DPP6: variants seen among roughly 807,000 people sequenced by gnomAD.
DPP6 encodes dipeptidyl peptidase like 6.
A neutral mutation model predicts 122.6 loss-of-function variants in DPP6; 69 were observed. That is an observed-to-expected ratio of 0.56 (90% CI 0.46 to 0.69). The LOEUF is 0.69. Ranked by LOEUF, DPP6 falls within the 30% of genes least tolerant of loss-of-function variation. DPP6 has a pLI of 0.00. For synonymous variants in DPP6, 418 were observed against 433.1 expected (o/e 0.97, Z 0.43); for missense variants, 928 against 1,116.9 (o/e 0.83, Z 2.41).
chr7:154,142,902 G>A (rs1159644437), intron 1 of DPP6, among the ~76,000 whole-genome samples: 103 of 139,402 alleles, frequency 7.4e-4, no homozygotes, highest in Non-Finnish European at 1.4e-3. Context: ...CTACTCAATT[G>A]TCAGCCATAA....
chr7:154,839,652 A>T (rs1801360730), intron 16 of DPP6, among the ~76,000 whole-genome samples: 1 of 152,232 alleles, frequency 6.6e-6, no homozygotes, highest in African/African-American at 2.4e-5. Context: ...GAGGAGGCAG[A>T]GAGCCATCAC....
At chr7:154,086,447 T>C (rs1476050562) in intron 1 of DPP6, among the ~76,000 whole-genome samples, 2 of 147,924 alleles carry the variant, frequency 1.4e-5, no homozygotes, top group Admixed American at 6.8e-5. Flanking sequence ...TGGTGAGCCC[T>C]GGTGAATCCA....
intron 3 of DPP6, among the ~76,000 whole-genome samples, chr7:154,496,584 C>T (rs1436429547): frequency 6.6e-6 from 1 of 152,196 alleles, no homozygotes; most frequent in Non-Finnish European, 1.5e-5. Context: ...CCTTTGAACC[C>T]ACAGTGTGCT....
At chr7:154,146,783 G>T (rs1362471565) in intron 1 of DPP6, among the ~76,000 whole-genome samples, 9 of 152,196 alleles carry the variant, frequency 5.9e-5, no homozygotes, top group Non-Finnish European at 1.3e-4. Context: ...AATACAGGGA[G>T]TGGGGAGTGG....
At chr7:154,294,824 T>C (rs114587912) in intron 1 of DPP6, among the ~76,000 whole-genome samples, 155 of 152,238 alleles carry the variant, frequency 1.0e-3, no homozygotes, top group African/African-American at 3.6e-3. Context: ...CACCCTGGTG[T>C]GTGTTCCCCC....
chr7:154,892,649 T>C lies in DPP6; in HGVS notation c.*169T>C, dbSNP rs765121671. 7 of 1,348,958 alleles carry C rather than the reference T, an allele frequency of 5.2e-6. No homozygotes were observed. The African/African-American group carries it at 7.2e-5, about 14-fold the overall frequency. 83.6% of individuals were successfully genotyped at this position (1,348,958 alleles called of 1,614,324 possible). On this transcript the variant is annotated 3_prime_UTR_variant, in exon 26 of 26. Coordinates refer to ENST00000377770, the MANE Select transcript of DPP6 (RefSeq NM_130797.4). ...CAGTTTTGCTTGGGAAACAAGCTCC[T>C]TCCCCGGGGTCATCACTCACGGCCT...
At chr7:154,204,808 TGTGA>T (rs1563314614) in intron 1 of DPP6, among the ~76,000 whole-genome samples, 1 of 152,198 alleles carries the variant, frequency 6.6e-6, no homozygotes, top group Non-Finnish European at 1.5e-5. Context: ...TCTGTACGTG[TGTGA>T]GTATGTGTAC....
chr7:154,298,810 A>T (rs1805712411), intron 1 of DPP6, among the ~76,000 whole-genome samples: 1 of 152,062 alleles, frequency 6.6e-6, no homozygotes. Context: ...TGGGGGAGGG[A>T]CAGACTTTGG....
chr7:153,816,904 C>T, the DPP6 span, among the ~76,000 whole-genome samples: 9 of 152,130 alleles, frequency 5.9e-5, no homozygotes, highest in Admixed American at 2.0e-4. Flanking sequence ...GAGCTGAGAA[C>T]ATAGCCTCAA....
intron 1 of DPP6, among the ~76,000 whole-genome samples, chr7:154,054,758 A>T (rs1386826162): frequency 6.7e-6 from 1 of 149,834 alleles, no homozygotes; most frequent in Non-Finnish European, 1.5e-5. Flanking sequence ...CAAACAGGAA[A>T]AATGTACTTT....
At chr7:154,799,906 C>A (rs1317434149) in intron 12 of DPP6, among the ~76,000 whole-genome samples, 3 of 152,232 alleles carry the variant, frequency 2.0e-5, no homozygotes, top group Non-Finnish European at 4.4e-5. Context: ...TCAGAGGCTT[C>A]ACCTGTGTTC....
chr7:153,955,558 C>T (rs1403672789), intron 1 of DPP6, among the ~76,000 whole-genome samples: 2 of 152,130 alleles, frequency 1.3e-5, no homozygotes, highest in African/African-American at 4.8e-5. Context: ...CCTGCCTCAG[C>T]CTCCCGAGTA....
At position 154,794,138 on chromosome 7, in the gene DPP6, T is replaced by G; in HGVS notation, c.1196T>G (p.Leu399Arg). Residue 399 changes from leucine to arginine, a missense_variant, in exon 11 of 26, where the codon CTG becomes CGG. By Grantham distance (102) the Leu-to-Arg change is moderately radical. Transcript: ENST00000377770. ...ATSTKVAVTW[L>R]NRAQNVSILT... ...AGCACCAAGGTCGCCGTGACCTGGC[T>G]GAACCGGGCGCAGAACGTGTCCATC... The G allele has an allele frequency of 6.2e-7, 1 of 1,613,490 alleles. No homozygotes were observed. Among genetic ancestry groups the G allele is most frequent in the Non-Finnish European group, 8.5e-7 (1 of 1,179,662 alleles).
the DPP6 span, among the ~76,000 whole-genome samples, chr7:153,808,442 C>T: frequency 3.3e-5 from 5 of 151,222 alleles, no homozygotes; most frequent in South Asian, 4.2e-4. Flanking sequence ...TGTGTGTGTG[C>T]GTGTGTGTGT....
At position 154,282,441 on chromosome 7, in the gene DPP6, T is replaced by C. The variant is rs1804582905; in HGVS notation, c.244-163773T>C. On this transcript the variant is annotated intron_variant, in intron 1 of 25. Coordinates refer to ENST00000377770, the MANE Select transcript of DPP6 (RefSeq NM_130797.4). This position sits in a 1 kb window ranked among gnomAD's most constrained non-coding sequence, Gnocchi z 4.8. ...TAGCACTGTGCAATGTACTGATTGG[T>C]ACTGTGTAATTTTTAGGACCTCCTT... 6.6e-6 allele frequency among the ~76,000 whole-genome samples: 1 copy of C among 152,188 alleles called. No homozygotes were observed. The highest frequency in any genetic ancestry group is 1.5e-5 in the Non-Finnish European group (1 of 68,030).
intron 16 of DPP6, among the ~76,000 whole-genome samples, chr7:154,844,736 G>C (rs1375408769): frequency 2.0e-5 from 3 of 152,192 alleles, no homozygotes; most frequent in South Asian, 4.1e-4. Context: ...CAGAGACTCA[G>C]TTAGACTGCC....
rs1833478973 is a variant in DPP6, at chr7:154,603,395, G to A, written c.628-34426G>A. Among the ~76,000 whole-genome samples, 3 of 117,758 alleles carry A rather than the reference G, an allele frequency of 2.5e-5. 1 individual carries two copies. In the South Asian group the frequency reaches 1.1e-3, roughly 42 times the overall value. 77.3% of individuals were successfully genotyped at this position (117,758 alleles called of 152,430 possible). A position where few individuals can be genotyped will look rare whatever the true frequency, so the allele number is the denominator to read the frequency against. ...TAATCATTCCAGGCTGGCTGTGTGCGGTGGTTCATGCCTGTAATCCCAGCA... is the reference window on the plus strand; with the variant it reads ...TAATCATTCCAGGCTGGCTGTGTGCAGTGGTTCATGCCTGTAATCCCAGCA... On this transcript the variant is annotated intron_variant, in intron 5 of 25. Transcript: ENST00000377770.
At chr7:154,756,101 G>A (rs563857008) in intron 8 of DPP6, among the ~76,000 whole-genome samples, 1 of 152,338 alleles carries the variant, frequency 6.6e-6, no homozygotes, top group East Asian at 1.9e-4. Context: ...AGGGAAGAGT[G>A]AGCCGTTTGC....
rs1004600310 is a variant in DPP6 at position 154,575,093 on chromosome 7, G to A, written c.627+8177G>A. On this transcript the variant is annotated intron_variant, in intron 5 of 25. Coordinates refer to ENST00000377770, the MANE Select transcript of DPP6 (RefSeq NM_130797.4). ...TGTTGTGTGTATGTGTGTGATGTGC[G>A]TGTGGTGTGTATGCTGTTTGTGTGT... Among the ~76,000 whole-genome samples the A allele has an allele frequency of 8.1e-3, 956 of 117,830 alleles. 10 individuals carry two copies. The highest frequency in any genetic ancestry group is 0.028 in the African/African-American group (882 of 31,090). The allele number at this position is 117,830 out of a possible 152,430, so 77.3% of individuals were successfully genotyped here.
Sources: allele counts gnomAD v4.1 joint callset (sites outside exome capture counted in the v4.1 genomes callset), GRCh38; gene constraint gnomAD v4.1.1; non-coding constraint Gnocchi (gnomAD v3.1); transcripts MANE v1.5; gene names NCBI Gene and HGNC (gene_info 2026-07-23, HGNC 2026-07-21).